CSMD3: variants seen among roughly 807,000 people sequenced by gnomAD.
The protein encoded by CSMD3 is CUB and Sushi multiple domains 3.
A neutral mutation model predicts 435.2 loss-of-function variants in CSMD3; 177 were observed. The observed-to-expected ratio is 0.41, with a 90% CI of 0.36 to 0.46. CSMD3 has a LOEUF of 0.46. CSMD3 is among the 20% of genes least tolerant of loss of function. CSMD3 has a pLI of 0.34. For missense variants in CSMD3, 4,265 were observed against 4,504.6 expected, an observed-to-expected ratio of 0.95 and a Z score of 1.52; for synonymous variants, 1,656 against 1,520.5, an observed-to-expected ratio of 1.09 and a Z score of -2.07.
intron 58 of CSMD3, among the ~76,000 whole-genome samples, chr8:112,283,201 A>G (rs1208748759): frequency 6.6e-6 from 1 of 152,058 alleles, no homozygotes; most frequent in Non-Finnish European, 1.5e-5. Context: ...CAATAAAAGC[A>G]TTGAATCATA....
chr8:112,492,691 A>C lies in CSMD3; in HGVS notation c.5084-8T>G, dbSNP rs1220982400. The C allele has an allele frequency of 6.2e-7, 1 of 1,610,470 alleles. No homozygotes were observed. The stretch of plus-strand genomic sequence containing the variant: ...AGGACTCTCGCAGTTTTGCTGTAAA[A>C]CAGTGTTAGTATAACATTAATTGCT... On this transcript the variant is annotated splice_region_variant and splice_polypyrimidine_tract_variant and intron_variant, in intron 30 of 70. Transcript: ENST00000297405.
intron 35 of CSMD3, among the ~76,000 whole-genome samples, chr8:112,398,629 T>C (rs767717726): frequency 1.7e-4 from 26 of 152,148 alleles, no homozygotes; most frequent in Non-Finnish European, 1.2e-4. Context: ...ACTATCCCTA[T>C]GTAGCCAAGC....
rs752693756 is a variant in CSMD3, at chr8:113,046,052, T to G, written c.918-26873A>C. On this transcript the variant is annotated intron_variant, in intron 5 of 70. Transcript: ENST00000297405. ...ACAAACAAACCTTTTATTGAAGTAA[T>G]TCCAGAAAAAGAAACTCTGGATCCT... Among the ~76,000 whole-genome samples the G allele has an allele frequency of 6.0e-5, 9 of 149,504 alleles. 2 individuals carry two copies. Among genetic ancestry groups the G allele is most frequent in the Non-Finnish European group, 1.2e-4 (8 of 66,448 alleles).
At chr8:113,169,683 G>T (rs1298877730) in intron 4 of CSMD3, among the ~76,000 whole-genome samples, 3 of 151,998 alleles carry the variant, frequency 2.0e-5, no homozygotes, top group Non-Finnish European at 1.5e-5. Context: ...TTTTCCTGGG[G>T]TATGTGTATT....
chr8:112,282,971 T>C (rs950473227), intron 58 of CSMD3, among the ~76,000 whole-genome samples: 2 of 152,032 alleles, frequency 1.3e-5, no homozygotes, highest in East Asian at 3.9e-4. Context: ...AGAGTTACTA[T>C]TTTTTTAGAT....
chr8:112,315,265 A>T (rs1185180841), intron 47 of CSMD3, among the ~76,000 whole-genome samples: 1 of 151,862 alleles, frequency 6.6e-6, no homozygotes, highest in African/African-American at 2.4e-5. Context: ...ATATATCAAC[A>T]CACTATAAAA....
intron 54 of CSMD3, among the ~76,000 whole-genome samples, chr8:112,294,226 G>C (rs1820045946): frequency 6.6e-6 from 1 of 151,928 alleles, no homozygotes. Flanking sequence ...CGTTTCTGTG[G>C]ATTGGATCAA....
chr8:113,377,618 A>G (rs985887825), intron 1 of CSMD3, among the ~76,000 whole-genome samples: 1 of 152,166 alleles, frequency 6.6e-6, no homozygotes, highest in African/African-American at 2.4e-5. Flanking sequence ...CGGTATTTAT[A>G]AAACTTGCAA....
intron 1 of CSMD3, among the ~76,000 whole-genome samples, chr8:113,315,737 G>A (rs567574857): frequency 1.6e-4 from 22 of 140,128 alleles, no homozygotes; most frequent in African/African-American, 5.7e-4. Context: ...ATATTTTTTT[G>A]AGACAGAATT....
intron 41 of CSMD3, among the ~76,000 whole-genome samples, chr8:112,342,975 ATATATATATATT>A (rs1167663220): frequency 5.7e-5 from 4 of 70,248 alleles, no homozygotes; most frequent in African/African-American, 8.8e-5. Context: ...AATGTATTAT[ATATATATATATT>A]TATATATATA....
At chr8:112,476,095 G>C (rs756158923) in intron 31 of CSMD3, among the ~76,000 whole-genome samples, 1 of 151,812 alleles carries the variant, frequency 6.6e-6, no homozygotes, top group Non-Finnish European at 1.5e-5. Flanking sequence ...GCCCAGGCTG[G>C]AGTGCAATGA....
chr8:113,290,559 T>C (rs1434864985), intron 2 of CSMD3, among the ~76,000 whole-genome samples: 1 of 151,718 alleles, frequency 6.6e-6, no homozygotes, highest in African/African-American at 2.4e-5. Flanking sequence ...TGTGTATGCA[T>C]GCATATATCC....
chr8:112,261,209 T>C (rs919938867), intron 61 of CSMD3, among the ~76,000 whole-genome samples: 6 of 152,246 alleles, frequency 3.9e-5, no homozygotes, highest in African/African-American at 1.4e-4. Flanking sequence ...GTGCACCTAA[T>C]AGTTTGTCTT....
chr8:113,251,461 A>G (rs1045076965), intron 3 of CSMD3, among the ~76,000 whole-genome samples: 3 of 152,052 alleles, frequency 2.0e-5, no homozygotes, highest in Non-Finnish European at 1.5e-5. Flanking sequence ...TTTTTAAAGA[A>G]AGCATGGGGG....
At chr8:112,463,188 C>T (rs1434099231) in intron 32 of CSMD3, among the ~76,000 whole-genome samples, 1 of 152,010 alleles carries the variant, frequency 6.6e-6, no homozygotes, top group Admixed American at 6.6e-5. Context: ...GTGGAAAAAC[C>T]CCATCTCTAC....
At chr8:112,632,877 TA>T in intron 22 of CSMD3, among the ~76,000 whole-genome samples, 1 of 151,938 alleles carries the variant, frequency 6.6e-6, no homozygotes, top group Non-Finnish European at 1.5e-5. Flanking sequence ...GGTTGCCACT[TA>T]AACAAGTGAT....
At chr8:112,523,302 G>T (rs2131024944) in intron 27 of CSMD3, among the ~76,000 whole-genome samples, 1 of 151,918 alleles carries the variant, frequency 6.6e-6, no homozygotes, top group East Asian at 1.9e-4. Flanking sequence ...TATTTCATCT[G>T]CTTTATTTAG....
chr8:112,276,897 C>T (rs1818107169), intron 59 of CSMD3, among the ~76,000 whole-genome samples: 1 of 151,952 alleles, frequency 6.6e-6, no homozygotes, highest in African/African-American at 2.4e-5. Flanking sequence ...GTCCCTTTAG[C>T]CATGGGTGGG....
intron 10 of CSMD3, among the ~76,000 whole-genome samples, chr8:112,859,894 T>A (rs1477265745): frequency 5.9e-5 from 9 of 151,870 alleles, no homozygotes; most frequent in Admixed American, 3.3e-4. Flanking sequence ...TCTTGCTTCT[T>A]GATGACCACA....
Sources: gnomAD v4.1 joint callset for allele counts (sites outside exome capture counted in the v4.1 genomes callset) on GRCh38, gnomAD v4.1.1 for gene constraint, MANE v1.5 for transcripts, NCBI Gene and HGNC (gene_info 2026-07-23, HGNC 2026-07-21) for gene names.